The following MPHOSPH9 variants were observed in gnomAD, a reference collection of about 807,000 sequenced individuals.
The protein encoded by MPHOSPH9 is M-phase phosphoprotein 9.
A neutral mutation model predicts 145.5 loss-of-function variants in MPHOSPH9; 88 were observed. That is an observed-to-expected ratio of 0.60 (90% CI 0.51 to 0.72). The LOEUF is 0.72. Among genes scored for constraint, MPHOSPH9 ranks in the 30% least tolerant of loss-of-function variants. The pLI, the probability that MPHOSPH9 is intolerant of heterozygous loss-of-function variation, is 0.00. For missense variants in MPHOSPH9, 1,238 were observed against 1,386.6 expected, an observed-to-expected ratio of 0.89 and a Z score of 1.70; for synonymous variants, 435 against 486.2, an observed-to-expected ratio of 0.89 and a Z score of 1.39.
chr12:123,215,235 C>G (rs2046908573), intron 6 of MPHOSPH9, among the ~76,000 whole-genome samples: 1 of 151,576 alleles, frequency 6.6e-6, no homozygotes, highest in Non-Finnish European at 1.5e-5. Context: ...GAGCAAGACT[C>G]TGTCTCAAAA....
At chr12:123,163,421 C>T (rs968989291) in intron 19 of MPHOSPH9, 5 of 300,032 alleles carry the variant, frequency 1.7e-5, no homozygotes, top group Non-Finnish European at 2.4e-5. Flanking sequence ...AACAGCAGTA[C>T]ACTACTGAAC....
intron 8 of MPHOSPH9, among the ~76,000 whole-genome samples, chr12:123,205,471 A>G (rs939233465): frequency 2.6e-5 from 4 of 152,100 alleles, no homozygotes; most frequent in African/African-American, 9.7e-5. Context: ...GCTTGAACCC[A>G]GGAGGCGGAG....
chr12:123,154,375 G>C lies in MPHOSPH9; in HGVS notation c.*2432C>G, dbSNP rs2043822530. On this transcript the variant is annotated 3_prime_UTR_variant, in exon 24 of 24. Transcript: ENST00000606320. ...TTTCAGTTGAGTGTTCATAAGATAA[G>C]CATTACCGAAGAGAAAGACAGCAGA... The C allele has an allele frequency of 6.6e-6, 1 of 152,084 alleles. No homozygotes were observed. The highest frequency in any genetic ancestry group is 2.4e-5 in the African/African-American group (1 of 41,404). 9.4% of individuals were successfully genotyped at this position (152,084 alleles called of 1,614,324 possible).
At chr12:123,192,841 G>A (rs961554135) in intron 13 of MPHOSPH9, among the ~76,000 whole-genome samples, 2 of 151,186 alleles carry the variant, frequency 1.3e-5, no homozygotes, top group African/African-American at 2.4e-5. Context: ...CTGTAATCCC[G>A]CACTCAGGTG....
chr12:123,177,535 CA>C (rs534338922), intron 15 of MPHOSPH9, among the ~76,000 whole-genome samples: 3 of 142,484 alleles, frequency 2.1e-5, no homozygotes, highest in African/African-American at 5.2e-5. Context: ...GACTTTGTCT[CA>C]AAAAAAAAAT....
At chr12:123,224,110 TTATATA>T (rs147637276) in intron 3 of MPHOSPH9, among the ~76,000 whole-genome samples, 2 of 120,392 alleles carry the variant, frequency 1.7e-5, no homozygotes, top group Non-Finnish European at 3.2e-5. Flanking sequence ...AATTGCTAAT[TTATATA>T]TATATATATA....
At chr12:123,197,493 T>C (rs1003906445) in intron 12 of MPHOSPH9, among the ~76,000 whole-genome samples, 5 of 151,776 alleles carry the variant, frequency 3.3e-5, no homozygotes, top group Admixed American at 2.6e-4. Flanking sequence ...TTTAAAAGGG[T>C]AAAGTTTAGG....
intron 23 of MPHOSPH9, among the ~76,000 whole-genome samples, chr12:123,158,060 G>C (rs1475207233): frequency 1.3e-5 from 2 of 151,912 alleles, no homozygotes; most frequent in East Asian, 3.9e-4. Context: ...CACAATCTCA[G>C]CTCACTGCAA....
At chr12:123,236,629 GTA>G (rs1202304143), upstream of MPHOSPH9, among the ~76,000 whole-genome samples, 3 of 151,804 alleles carry the variant, frequency 2.0e-5, no homozygotes, top group Non-Finnish European at 4.4e-5. Flanking sequence ...GCTTTGGTTT[GTA>G]TATGTTTAAG....
At chr12:123,175,344 A>G (rs367916530) in intron 16 of MPHOSPH9, among the ~76,000 whole-genome samples, 24 of 151,958 alleles carry the variant, frequency 1.6e-4, no homozygotes, top group South Asian at 1.0e-3. Context: ...TAGTAGAGAC[A>G]GGGTTTCATC....
intron 8 of MPHOSPH9, among the ~76,000 whole-genome samples, chr12:123,207,410 G>A (rs988596367): frequency 7.2e-5 from 11 of 151,912 alleles, no homozygotes; most frequent in African/African-American, 2.2e-4. Flanking sequence ...CATGAAGTAC[G>A]GAACATTGGT....
chr12:123,162,075 A>C, intron 21 of MPHOSPH9, 40 bp downstream of exon 21: 1 of 1,269,874 alleles, frequency 7.9e-7, no homozygotes, highest in Non-Finnish European at 1.1e-6. Context: ...CAAAAAATGA[A>C]TGATTAAAAC....
chr12:123,167,848 G>A (rs183507750), intron 16 of MPHOSPH9, among the ~76,000 whole-genome samples: 17 of 152,202 alleles, frequency 1.1e-4, no homozygotes, highest in African/African-American at 4.1e-4. Context: ...TTTAGAGCCT[G>A]CCTTGTTTTC....
chr12:123,187,155 G>T (rs1334952774), intron 13 of MPHOSPH9, among the ~76,000 whole-genome samples: 1 of 151,982 alleles, frequency 6.6e-6, no homozygotes, highest in African/African-American at 2.4e-5. Flanking sequence ...CAGCTACTTG[G>T]TAGGCTGAGG....
At chr12:123,184,371 G>A (rs141271591) in intron 13 of MPHOSPH9, among the ~76,000 whole-genome samples, 1 of 152,058 alleles carries the variant, frequency 6.6e-6, no homozygotes, top group Non-Finnish European at 1.5e-5. Context: ...ACATCTGGAG[G>A]TCCCCTAACA....
intron 1 of MPHOSPH9, 36 bp from the exon 2 acceptor site, chr12:123,230,558 A>G (rs550136846): frequency 2.3e-6 from 1 of 440,226 alleles, no homozygotes; most frequent in African/African-American, 2.0e-5. Flanking sequence ...ACTACTATAA[A>G]AAGCCACCAA....
At chr12:123,202,558 G>C in intron 10 of MPHOSPH9, 66 bp downstream of exon 10, 1 of 1,443,834 alleles carries the variant, frequency 6.9e-7, no homozygotes, top group Non-Finnish European at 9.4e-7. Flanking sequence ...GTTCAATAAA[G>C]ATCATTTTCA....
Position 123,215,202 on chromosome 12 carries a change from A to T in MPHOSPH9, c.997-368T>A, listed in dbSNP as rs564329272. Among the ~76,000 whole-genome samples, 9 of 152,236 alleles carry T rather than the reference A, an allele frequency of 5.9e-5. No homozygotes were observed. In the East Asian group the frequency reaches 1.7e-3, roughly 29 times the overall value. ...GGTTGCAGTAAGCCGAGATCGTGCC[A>T]CTGCACTCTAGCCTGGGCAACAGAG... is the stretch of plus-strand genomic sequence containing the variant. On this transcript the variant is annotated intron_variant, in intron 6 of 23. Coordinates refer to ENST00000606320, the MANE Select transcript of MPHOSPH9 (RefSeq NM_022782.4).
At position 123,181,956 on chromosome 12, in the gene MPHOSPH9, CT is replaced by C. The variant is rs941406957; in HGVS notation, c.2242-747del. On this transcript the variant is annotated intron_variant, in intron 13 of 23. Coordinates refer to ENST00000606320, the MANE Select transcript of MPHOSPH9 (RefSeq NM_022782.4). Reference sequence around the variant, plus strand: ...TGCATTGCTCTTTTTGGAACTATTACTTTTTTTTTTTTTCTTTAGATGGAGT... The same window carrying C: ...TGCATTGCTCTTTTTGGAACTATTACTTTTTTTTTTTTCTTTAGATGGAGT... 2.6e-3 allele frequency among the ~76,000 whole-genome samples: 385 copies of C among 146,406 alleles called. 4 individuals carry two copies. In the South Asian group the frequency reaches 0.029, roughly 11 times the overall value.
Sources: allele counts gnomAD v4.1 joint callset (sites outside exome capture counted in the v4.1 genomes callset), GRCh38; gene constraint gnomAD v4.1.1; transcripts MANE v1.5; gene names NCBI Gene and HGNC (gene_info 2026-07-23, HGNC 2026-07-21).